TTN: variants seen among roughly 807,000 people sequenced by gnomAD.
TTN encodes the protein titin, also known as connectin.
TTN carries 1,525 observed loss-of-function variants against 3,223.0 expected under a neutral mutation model. The observed-to-expected ratio is 0.47, with a 90% CI of 0.45 to 0.49. TTN has a LOEUF of 0.49. Among genes scored for constraint, TTN ranks in the 20% least tolerant of loss-of-function variants. The probability of loss-of-function intolerance (pLI) is 0.00; values close to 1 mark genes in which losing one functional copy is unlikely to be tolerated. For synonymous variants in TTN, 14,094 were observed against 15,161.0 expected (o/e 0.93, Z 5.17); for missense variants, 40,786 against 43,424.0 (o/e 0.94, Z 5.40).
chr2:178,762,951 T>C (rs531567946), intron 43 of TTN, among the ~76,000 whole-genome samples: 3 of 152,352 alleles, frequency 2.0e-5, no homozygotes, highest in African/African-American at 4.8e-5. Flanking sequence ...ACCATCTCCA[T>C]TCCTGAGGAG....
chr2:178,582,831 G>T, intron 313 of TTN, 109 bp downstream of exon 313: 1 of 1,045,172 alleles, frequency 9.6e-7, no homozygotes, highest in Non-Finnish European at 1.3e-6. Context: ...CTGTGCATAG[G>T]AAATACACAT....
Position 178,754,506 on chromosome 2 carries a change from T to C in TTN, c.11255-1326A>G, listed in dbSNP as rs377443918. ...CGAGTTCAAATCAATTCTGGGAATA[T>C]GACAGTCAAACACCGCACTATAGCA... On this transcript the variant is annotated intron_variant, in intron 46 of 362. Transcript: ENST00000589042. Among the ~76,000 whole-genome samples, 18 of 152,268 alleles carry C rather than the reference T, an allele frequency of 1.2e-4. No individual in the cohort carries two copies. The East Asian group carries it at 3.3e-3, about 28-fold the overall frequency.
chr2:178,605,684 A>T lies in TTN; in HGVS notation c.53611T>A (p.Tyr17871Asn). 6.3e-7 allele frequency: 1 copy of T among 1,585,276 alleles called. No individual in the cohort carries two copies. Among genetic ancestry groups the T allele is most frequent in the South Asian group, 1.2e-5 (1 of 86,276 alleles). ...GPPTSPERLTYTERTKSTITL... is the reference protein window; with the variant it reads ...GPPTSPERLTNTERTKSTITL... ...ATAGTGGACTTTGTCCTTTCAGTGT[A>T]TGTGAGCCTCTCTGGAGATGTTGGA... The change falls in exon 279 of 363, where the codon TAC becomes AAC. Residue 17871 changes from tyrosine (Y) to asparagine (N), a missense_variant. By Grantham distance (143) the Tyr-to-Asn change is moderately radical. Coordinates refer to ENST00000589042, the MANE Select transcript of TTN (RefSeq NM_001267550.2).
chr2:178,649,715 T>G, intron 211 of TTN, 84 bp from the exon 212 acceptor site: 1 of 1,534,648 alleles, frequency 6.5e-7, no homozygotes, highest in Non-Finnish European at 9.0e-7. Context: ...CTGTAACATA[T>G]AGGTAAGAGT....
chr2:178,770,543 T>A lies in TTN; in HGVS notation c.8249A>T (p.Asn2750Ile), dbSNP rs1471538206. 5 of 1,614,134 alleles carry A rather than the reference T, an allele frequency of 3.1e-6. No individual in the cohort carries two copies. The highest frequency in any genetic ancestry group is 3.3e-5 in the Admixed American group (2 of 60,012). The change falls in exon 35 of 363, where the codon AAT becomes ATT. Residue 2750 changes from asparagine to isoleucine, a missense_variant. Coordinates refer to ENST00000589042, the MANE Select transcript of TTN (RefSeq NM_001267550.2). ...WIKNGVVLES[N>I]EKYAISVKGT... ...TTTGACAGAGATAGCATACTTTTCA[T>A]TGGATTCCAGCACAACTCCATTTTT...
chr2:178,647,951 A>C (rs1302683075), intron 213 of TTN, among the ~76,000 whole-genome samples: 1 of 151,994 alleles, frequency 6.6e-6, no homozygotes, highest in African/African-American at 2.4e-5. Context: ...TGGGCTCCTC[A>C]ATTTCCCTAA....
At chr2:178,702,284 G>C (rs1181819746) in intron 107 of TTN, 39 bp from the exon 108 acceptor site, 1 of 1,612,838 alleles carries the variant, frequency 6.2e-7, no homozygotes, top group South Asian at 1.1e-5. Flanking sequence ...TTTCTGATAT[G>C]TTGCAAATAA....
chr2:178,585,285 C>T lies in TTN; in HGVS notation c.64459G>A (p.Glu21487Lys), dbSNP rs1485546407. 8 of 1,611,906 alleles carry T rather than the reference C, an allele frequency of 5.0e-6. No individual in the cohort carries two copies. Among genetic ancestry groups the T allele is most frequent in the Non-Finnish European group, 6.8e-6 (8 of 1,178,968 alleles). The change falls in exon 309 of 363, where the codon GAA becomes AAA. Residue 21487 changes from glutamate to lysine, a missense_variant. Transcript: ENST00000589042. Reference sequence around the variant, plus strand: ...TGAGGCTTTCCATACACATGGGCTTCAATTCGGAGTTTTTTCCCAGCTTTG... The same window carrying T: ...TGAGGCTTTCCATACACATGGGCTTTAATTCGGAGTTTTTTCCCAGCTTTG... ...TIKAGKKLRI[E>K]AHVYGKPHPT...
chr2:178,568,045 T>C lies in TTN; in HGVS notation c.78087A>G (p.Arg26029=). Residue 26029 remains arginine, a synonymous_variant, in exon 326 of 363, where the codon AGA becomes AGG. Coordinates refer to ENST00000589042, the MANE Select transcript of TTN (RefSeq NM_001267550.2). ...GSPVIGYHLE[R]KERNSILWTK... is the part of the protein sequence containing the mutation. Reference sequence around the variant, plus strand: ...TCCACAAAATACTGTTTCTTTCTTTTCTCTCCAGGTGGTAACCTATGACGG... The same window carrying C: ...TCCACAAAATACTGTTTCTTTCTTTCCTCTCCAGGTGGTAACCTATGACGG... The C allele has an allele frequency of 6.2e-7, 1 of 1,613,386 alleles. No individual in the cohort carries two copies. The highest frequency in any genetic ancestry group is 8.5e-7 in the Non-Finnish European group (1 of 1,179,590).
At position 178,753,373 on chromosome 2, in the gene TTN, T is replaced by G. The variant is rs1401671313; in HGVS notation, c.11255-193A>C. 6.3e-6 allele frequency: 3 copies of G among 476,538 alleles called. No homozygotes were observed. The Admixed American group carries it at 1.1e-4, about 18-fold the overall frequency. The allele number at this position is 476,538 out of a possible 1,614,324, so 29.5% of individuals were successfully genotyped here. A position where few individuals can be genotyped will look rare whatever the true frequency, so the allele number is the denominator to read the frequency against. ...ACACATGACAATGTTGACAGAAAGA[T>G]TTAAAACATTTTTATTTTAGGTTCT... On this transcript the variant is annotated intron_variant, in intron 46 of 362. Transcript: ENST00000589042.
chr2:178,691,440 T>C (rs1366394400), intron 121 of TTN, among the ~76,000 whole-genome samples: 1 of 152,140 alleles, frequency 6.6e-6, no homozygotes, highest in Non-Finnish European at 1.5e-5. Context: ...ACGGAAACAT[T>C]TATGGCAAAT....
rs878934438 is a variant in TTN, at chr2:178,579,116, T to G, written c.67914A>C (p.Ile22638=). 1.7e-5 allele frequency: 27 copies of G among 1,613,270 alleles called. No individual in the cohort carries two copies. Among genetic ancestry groups the G allele is most frequent in the Non-Finnish European group, 2.2e-5 (26 of 1,179,564 alleles). Residue 22638 remains isoleucine, a synonymous_variant, in exon 320 of 363, where the codon ATA becomes ATC. Coordinates refer to ENST00000589042, the MANE Select transcript of TTN (RefSeq NM_001267550.2). ...GGATGCCAGGCTTGCCAACAACCTT[T>G]ATGGAGATAGTTCCTTCCTTGGTGC... The part of the protein sequence containing the change: ...VAGTKEGTIS[I]KVVGKPGIPT...
In TTN at chr2:178,543,428, T is replaced by C. The variant is rs1311963909; in HGVS notation, c.96545A>G (p.Glu32182Gly). The C allele has an allele frequency of 5.0e-6, 8 of 1,613,816 alleles. No individual in the cohort carries two copies. The highest frequency in any genetic ancestry group is 6.8e-6 in the Non-Finnish European group (8 of 1,179,770). ...AGGTTCTCCAATGCCATAAATATTT[T>C]CTGGCAGCACTCTGAAATAGTACAT... is the stretch of plus-strand genomic sequence containing the variant. ...GTMYYFRVLPENIYGIGEPCE... is the reference protein window; with the variant it reads ...GTMYYFRVLPGNIYGIGEPCE... The change falls in exon 347 of 363, where the codon GAA becomes GGA. Residue 32182 changes from glutamate (E) to glycine (G), a missense_variant. Transcript: ENST00000589042.
chr2:178,698,605 A>G (rs1027575100), intron 112 of TTN, among the ~76,000 whole-genome samples: 2 of 152,174 alleles, frequency 1.3e-5, no homozygotes, highest in African/African-American at 2.4e-5. Flanking sequence ...AAATAACCAG[A>G]ATACACTGGT....
rs373041506 is a variant in TTN, at chr2:178,527,610, C to T, written c.107516G>A (p.Ser35839Asn). The T allele has an allele frequency of 1.2e-6, 2 of 1,613,856 alleles. No homozygotes were observed. The highest frequency in any genetic ancestry group is 2.7e-5 in the African/African-American group (2 of 74,932). ...TTTCATCTCAGTCATGCTGCTAGCA[C>T]TGCTGCTGCTGAAACTGCTGAAGGA... ...EASFSSFSSSSASSMTEMKFA... is the reference protein window; with the variant it reads ...EASFSSFSSSNASSMTEMKFA... Residue 35839 changes from serine (S) to asparagine (N), a missense_variant, in exon 362 of 363, where the codon AGT becomes AAT. Coordinates refer to ENST00000589042, the MANE Select transcript of TTN (RefSeq NM_001267550.2).
rs1232661197 is a variant in TTN at position 178,732,638 on chromosome 2, C to G, written c.16423G>C (p.Gly5475Arg). ...SAVCLKSTFQ[G>R]STPLTIRWFK... ...CATCTGATTGTGAGAGGAGTAGATC[C>G]TTGGAAAGTGCTCTTCAGGCAGACT... The change falls in exon 56 of 363, where the codon GGA (glycine) becomes CGA (arginine). Residue 5475 changes from glycine to arginine, a missense_variant. By Grantham distance (125) the Gly-to-Arg change is moderately radical. Coordinates refer to ENST00000589042, the MANE Select transcript of TTN (RefSeq NM_001267550.2). 2 of 1,612,998 alleles carry G rather than the reference C, an allele frequency of 1.2e-6. No individual in the cohort carries two copies. The highest frequency in any genetic ancestry group is 2.2e-5 in the East Asian group (1 of 44,758).
rs1400657343 is a variant in TTN at position 178,560,296 on chromosome 2, T to C, written c.85836A>G (p.Ser28612=). The C allele has an allele frequency of 3.1e-6, 5 of 1,613,714 alleles. No individual in the cohort carries two copies. The highest frequency in any genetic ancestry group is 4.2e-6 in the Non-Finnish European group (5 of 1,179,804). Residue 28612 remains serine, a synonymous_variant, in exon 326 of 363, where the codon TCA becomes TCG. Transcript: ENST00000589042. ...KKPVYDLRVK[S]TGLREGCEYE... ...ATTCACATCCTTCCCGAAGTCCTGTTGATTTCACTCTTAGATCATAAACTG... is the reference window on the plus strand; with the variant it reads ...ATTCACATCCTTCCCGAAGTCCTGTCGATTTCACTCTTAGATCATAAACTG...
rs1475606876 is a variant in TTN, at chr2:178,561,917, A to T, written c.84215T>A (p.Ile28072Lys). The change falls in exon 326 of 363, where the codon ATA becomes AAA. Residue 28072 changes from isoleucine (I) to lysine (K), a missense_variant. Coordinates refer to ENST00000589042, the MANE Select transcript of TTN (RefSeq NM_001267550.2). ...IRIDEVSCDS[I>K]TISWNPPEYD... ...TTCTGGAGGATTCCAAGAAATGGTT[A>T]TGCTGTCACAACTAACCTCATCAAT... 1.2e-6 allele frequency: 2 copies of T among 1,613,590 alleles called. No homozygotes were observed. The highest frequency in any genetic ancestry group is 2.2e-5 in the East Asian group (1 of 44,750).
chr2:178,716,814 G>A (rs1029963348), intron 88 of TTN, among the ~76,000 whole-genome samples: 16 of 152,108 alleles, frequency 1.1e-4, no homozygotes, highest in African/African-American at 3.9e-4. Flanking sequence ...TTCAAACTAG[G>A]ATTTTCTTGC....
Sources: gnomAD v4.1 joint callset for allele counts (sites outside exome capture counted in the v4.1 genomes callset) on GRCh38, gnomAD v4.1.1 for gene constraint, MANE v1.5 for transcripts, NCBI Gene and HGNC (gene_info 2026-07-23, HGNC 2026-07-21) for gene names.